Variants in GSE1 observed in about 807,000 individuals in gnomAD.
The protein encoded by GSE1 is genetic suppressor element 1.
A neutral mutation model predicts 112.6 loss-of-function variants in GSE1; 32 were observed. The ratio of observed to expected loss-of-function variants is 0.28; its 90% CI spans 0.21 to 0.38. GSE1 has a LOEUF of 0.38. GSE1 is among the 10% of genes least tolerant of loss of function. The probability of loss-of-function intolerance (pLI) is 1.00; values close to 1 mark genes in which losing one functional copy is unlikely to be tolerated. For synonymous variants in GSE1, 1,115 were observed against 735.6 expected, an observed-to-expected ratio of 1.52 and a Z score of -8.35; for missense variants, 2,348 against 1,699.2, an observed-to-expected ratio of 1.38 and a Z score of -6.71.
At chr16:85,196,842 T>A (rs1772975818) in intron 1 of GSE1, among the ~76,000 whole-genome samples, 1 of 151,792 alleles carries the variant, frequency 6.6e-6, no homozygotes, top group Non-Finnish European at 1.5e-5. Flanking sequence ...GATCTTTTAT[T>A]AAGATCAGCA....
At chr16:85,581,460 G>A (rs2046444961) in intron 1 of GSE1, among the ~76,000 whole-genome samples, 1 of 152,178 alleles carries the variant, frequency 6.6e-6, no homozygotes, top group Non-Finnish European at 1.5e-5. Flanking sequence ...GAGCCTTTTA[G>A]GATTCGGATT....
chr16:85,276,111 G>A (rs890680645), intron 1 of GSE1, among the ~76,000 whole-genome samples: 1 of 152,266 alleles, frequency 6.6e-6, no homozygotes, highest in Non-Finnish European at 1.5e-5. Context: ...TACAGATGGG[G>A]AAACTGAAGC....
rs55755242 is a variant in GSE1 at position 85,224,301 on chromosome 16, C to CAAAAAAAAA, written c.2283+52516_2283+52524dup. The stretch of plus-strand genomic sequence containing the variant: ...TGAAACCCTATCTCTACTAAAAATA[C>CAAAAAAAAA]AAAAAAAAAAAAAAAAAAAAAAAAA... On this transcript the variant is annotated intron_variant, in intron 1 of 2. Coordinates refer to the GSE1 transcript ENST00000637419. Among the ~76,000 whole-genome samples the CAAAAAAAAA allele has an allele frequency of 2.4e-3, 92 of 38,818 alleles. 2 individuals carry two copies. Among genetic ancestry groups the CAAAAAAAAA allele is most frequent in the Admixed American group, 3.3e-3 (7 of 2,150 alleles). 25.5% of individuals were successfully genotyped at this position (38,818 alleles called of 152,430 possible).
intron 6 of GSE1, 107 bp from the exon 7 acceptor site, chr16:85,656,236 A>G (rs35004989): frequency 0.1 from 143,605 of 1,380,034 alleles, 8,417 homozygotes; most frequent in Middle Eastern, 0.12. Context: ...GTCACTGTTC[A>G]GATTAGCGCC....
chr16:85,205,375 G>A (rs781439218), intron 1 of GSE1, among the ~76,000 whole-genome samples: 1 of 152,108 alleles, frequency 6.6e-6, no homozygotes, highest in Non-Finnish European at 1.5e-5. Context: ...CCAGTGATCC[G>A]CCTGCCTTGG....
In GSE1 at chr16:85,674,449, G is replaced by T. The variant is rs1164321985; in HGVS notation, c.*1910G>T. 1 of 152,236 alleles carries T rather than the reference G, an allele frequency of 6.6e-6. No homozygotes were observed. Among genetic ancestry groups the T allele is most frequent in the Non-Finnish European group, 1.5e-5 (1 of 68,052 alleles). The allele number at this position is 152,236 out of a possible 1,614,324, so 9.4% of individuals were successfully genotyped here. On this transcript the variant is annotated 3_prime_UTR_variant, in exon 16 of 16. Transcript: ENST00000253458. ...GCCTCCCCTCGAAAGACACTGGGAG[G>T]TCAGCATGTTCCACAGGTGTTCAGA...
chr16:85,510,831 G>A (rs1295746221), intron 2 of GSE1, among the ~76,000 whole-genome samples: 1 of 152,186 alleles, frequency 6.6e-6, no homozygotes, highest in Non-Finnish European at 1.5e-5. Flanking sequence ...CAGCCTCAGG[G>A]CCTCTGCACC....
At chr16:85,585,001 C>T (rs567076641) in intron 1 of GSE1, among the ~76,000 whole-genome samples, 9 of 152,216 alleles carry the variant, frequency 5.9e-5, no homozygotes, top group South Asian at 2.1e-4. Context: ...CAGGGAAGTC[C>T]GAAGACCTCG....
chr16:85,472,540 G>T (rs1366189936), intron 2 of GSE1, among the ~76,000 whole-genome samples: 1 of 152,188 alleles, frequency 6.6e-6, no homozygotes, highest in African/African-American at 2.4e-5. Flanking sequence ...AATTATATCT[G>T]CAAAGGCTCT....
intron 2 of GSE1, among the ~76,000 whole-genome samples, chr16:85,440,959 T>G (rs1316387877): frequency 5.9e-5 from 9 of 151,942 alleles, no homozygotes; most frequent in South Asian, 4.2e-4. Flanking sequence ...TTGCCGGGGG[T>G]GGGCCTGAAA....
chr16:85,332,899 C>G (rs1466708690), intron 1 of GSE1, among the ~76,000 whole-genome samples: 1 of 152,060 alleles, frequency 6.6e-6, no homozygotes, highest in African/African-American at 2.4e-5. Context: ...ACCTCAGAAC[C>G]CCCCTTTATC....
chr16:85,505,078 C>A (rs2051494379), intron 2 of GSE1, among the ~76,000 whole-genome samples: 2 of 152,224 alleles, frequency 1.3e-5, no homozygotes. Context: ...GCCAAATTTG[C>A]CTTCTCCTTT....
At chr16:85,275,578 T>G (rs940577234) in intron 1 of GSE1, among the ~76,000 whole-genome samples, 4 of 152,168 alleles carry the variant, frequency 2.6e-5, no homozygotes, top group African/African-American at 9.7e-5. Context: ...CATTTCATAC[T>G]TTCCCTGTGG....
At position 85,663,018 on chromosome 16, in the gene GSE1, C is replaced by T. The variant is rs143295492; in HGVS notation, c.2298C>T (p.Ser766=). 61 of 1,612,688 alleles carry T rather than the reference C, an allele frequency of 3.8e-5. No homozygotes were observed. The highest frequency in any genetic ancestry group is 1.7e-4 in the Admixed American group (10 of 60,024). The part of the protein sequence containing the change: ...YYDLDDSYDE[S]DEEEVRAHLR... ...ACCTCGATGACTCTTACGACGAGAG[C>T]GATGAGGAGGAGGTCAGGGCCCACC... is the stretch of plus-strand genomic sequence containing the variant. Residue 766 remains serine, a synonymous_variant, in exon 10 of 16, where the codon AGC becomes AGT. Coordinates refer to ENST00000253458, the MANE Select transcript of GSE1 (RefSeq NM_014615.5).
At position 85,418,623 on chromosome 16, in the gene GSE1, C is replaced by T. The variant is rs78646580; in HGVS notation, c.2464+60980C>T. 1.4e-3 allele frequency among the ~76,000 whole-genome samples: 212 copies of T among 152,300 alleles called. 1 individual carries two copies. Among genetic ancestry groups the T allele is most frequent in the African/African-American group, 3.1e-3 (129 of 41,560 alleles). On this transcript the variant is annotated intron_variant, in intron 2 of 2. Transcript: ENST00000637419. ...AGAGAAGCCACTGCTGTCTGTGGGACGTTGGGGACAGGCACCATCAAGAGG... is the reference window on the plus strand; with the variant it reads ...AGAGAAGCCACTGCTGTCTGTGGGATGTTGGGGACAGGCACCATCAAGAGG...
At chr16:85,300,922 G>A (rs1205412322) in intron 1 of GSE1, among the ~76,000 whole-genome samples, 1 of 152,204 alleles carries the variant, frequency 6.6e-6, no homozygotes, top group East Asian at 1.9e-4. Flanking sequence ...TGGGGGGAGT[G>A]GGGACTGGGG....
At chr16:85,377,499 C>G (rs1051948198) in intron 2 of GSE1, among the ~76,000 whole-genome samples, 1 of 152,206 alleles carries the variant, frequency 6.6e-6, no homozygotes, top group Non-Finnish European at 1.5e-5. Flanking sequence ...TGTGCCTTAG[C>G]TGTCTATCTG....
upstream of GSE1, among the ~76,000 whole-genome samples, chr16:85,552,374 C>G (rs1268553397): frequency 1.8e-5 from 2 of 108,694 alleles, no homozygotes; most frequent in Admixed American, 1.0e-4. Flanking sequence ...GCTCTGTGCC[C>G]AGGCTGGAGT....
chr16:85,483,858 G>T (rs959287523), intron 2 of GSE1, among the ~76,000 whole-genome samples: 1 of 152,252 alleles, frequency 6.6e-6, no homozygotes, highest in Non-Finnish European at 1.5e-5. Flanking sequence ...GCAGTCCTCG[G>T]TGTACCGTCC....
Sources: allele counts gnomAD v4.1 joint callset (sites outside exome capture counted in the v4.1 genomes callset), GRCh38; gene constraint gnomAD v4.1.1; transcripts MANE v1.5; gene names NCBI Gene and HGNC (gene_info 2026-07-23, HGNC 2026-07-21).